MICU2: variants seen among roughly 807,000 people sequenced by gnomAD.
The protein encoded by MICU2 is calcium uptake protein 2, mitochondrial.
A neutral mutation model predicts 60.4 loss-of-function variants in MICU2; 64 were observed. The ratio of observed to expected loss-of-function variants is 1.06; its 90% CI spans 0.87 to 1.31. The LOEUF is 1.31. MICU2 is among the 50% of genes most tolerant of loss of function. The probability of loss-of-function intolerance (pLI) is 0.00; values close to 1 mark genes in which losing one functional copy is unlikely to be tolerated. For synonymous variants in MICU2, 201 were observed against 175.0 expected (o/e 1.15, Z -1.17); for missense variants, 569 against 531.0 (o/e 1.07, Z -0.70).
chr13:21,543,279 G>A (rs1887327011), intron 2 of MICU2, among the ~76,000 whole-genome samples: 1 of 152,096 alleles, frequency 6.6e-6, no homozygotes. Flanking sequence ...AGACAAGGAT[G>A]CTCACCCCTT....
chr13:21,572,925 T>C (rs766446090), intron 1 of MICU2, among the ~76,000 whole-genome samples: 5 of 126,886 alleles, frequency 3.9e-5, no homozygotes, highest in African/African-American at 5.6e-5. Flanking sequence ...ATTTTAGCTG[T>C]TGTTAATGTA....
chr13:21,507,027 T>C (rs1886306824), intron 8 of MICU2, among the ~76,000 whole-genome samples: 1 of 152,254 alleles, frequency 6.6e-6, no homozygotes, highest in Non-Finnish European at 1.5e-5. Flanking sequence ...CTTAGCAAAA[T>C]TTAAGAGATT....
intron 4 of MICU2, among the ~76,000 whole-genome samples, chr13:21,538,508 G>A (rs1887190841): frequency 7.1e-6 from 1 of 140,838 alleles, no homozygotes; most frequent in South Asian, 2.3e-4. Flanking sequence ...ACGCTGCCGG[G>A]AGCTATGACT....
rs1212302977 is a variant in MICU2 at position 21,496,159 on chromosome 13, C to T, written c.935G>A (p.Ser312Asn). ...NVREKLSAGE[S>N]ISLDEFKSFC... is the part of the protein sequence containing the mutation. ...TGACTTGAATTCATCCAAACTAATG[C>T]TCTAATAAAGTAAGAGTTTTTATTA... is the stretch of plus-strand genomic sequence containing the variant. The change falls in exon 10 of 12, where the codon AGC becomes AAC. Residue 312 changes from serine to asparagine, a missense_variant and splice_region_variant. Coordinates refer to ENST00000382374, the MANE Select transcript of MICU2 (RefSeq NM_152726.3). The T allele has an allele frequency of 6.2e-7, 1 of 1,606,810 alleles. No individual in the cohort carries two copies. The highest frequency in any genetic ancestry group is 8.5e-7 in the Non-Finnish European group (1 of 1,175,486).
In MICU2 at chr13:21,602,338, C is replaced by G. The variant is rs1239035381; in HGVS notation, c.210+1601G>C. Among the ~76,000 whole-genome samples, 5 of 151,722 alleles carry G rather than the reference C, an allele frequency of 3.3e-5. No individual in the cohort carries two copies. The East Asian group carries it at 9.8e-4, about 30-fold the overall frequency. The stretch of plus-strand genomic sequence containing the variant: ...GAGATCGAGACCATCCTGGCTAATA[C>G]GGTGAAACCCCGTCTCTACTAAAAA... On this transcript the variant is annotated intron_variant, in intron 1 of 11. Transcript: ENST00000382374.
At position 21,510,104 on chromosome 13, in the gene MICU2, A is replaced by G; in HGVS notation, c.664-3T>C. The G allele has an allele frequency of 2.9e-6, 4 of 1,403,088 alleles. No homozygotes were observed. Among genetic ancestry groups the G allele is most frequent in the Non-Finnish European group, 3.8e-6 (4 of 1,061,392 alleles). 86.9% of individuals were successfully genotyped at this position (1,403,088 alleles called of 1,614,324 possible). A position where few individuals can be genotyped will look rare whatever the true frequency, so the allele number is the denominator to read the frequency against. On this transcript the variant is annotated splice_polypyrimidine_tract_variant and splice_region_variant and intron_variant, in intron 7 of 11. Transcript: ENST00000382374. ...TCAGGTTCTTTCACTATTGCTTCCTATTAAAAAAATCACAATAATTTAAAA... is the reference window on the plus strand; with the variant it reads ...TCAGGTTCTTTCACTATTGCTTCCTGTTAAAAAAATCACAATAATTTAAAA...
At position 21,497,717 on chromosome 13, in the gene MICU2, CAAACA is replaced by C. The variant is rs372715490; in HGVS notation, c.934-1562_934-1558del. On this transcript the variant is annotated intron_variant, in intron 9 of 11. Coordinates refer to ENST00000382374, the MANE Select transcript of MICU2 (RefSeq NM_152726.3). ...AGCAAGACCCTGTCTCAAAAACAAA[CAAACA>C]AAACAAAAGTAAACAAAGTATGAAA... 2.1e-3 allele frequency among the ~76,000 whole-genome samples: 323 copies of C among 152,240 alleles called. 1 individual carries two copies. The highest frequency in any genetic ancestry group is 7.5e-3 in the African/African-American group (312 of 41,538).
intron 4 of MICU2, among the ~76,000 whole-genome samples, chr13:21,531,523 C>G (rs989379299): frequency 6.6e-6 from 1 of 152,130 alleles, no homozygotes; most frequent in East Asian, 1.9e-4. Context: ...TCTTCTAAAG[C>G]AAAGTCACTG....
rs2761924 is a variant in MICU2 at position 21,604,169 on chromosome 13, G to A, written c.-21C>T. 1,532,043 of 1,535,232 alleles carry A rather than the reference G, an allele frequency of 1. 764,456 individuals carry two copies. The highest frequency in any genetic ancestry group is 1 in the South Asian group (83,592 of 83,600). On this transcript the variant is annotated 5_prime_UTR_variant, in exon 1 of 12. Transcript: ENST00000382374. ...GCCATCTTTGCGGAAGCGCAGCTAG[G>A]CGGCGCTTCTCTCCCGGCGCCGCCG...
chr13:21,529,481 C>A (rs1010869265), intron 4 of MICU2, among the ~76,000 whole-genome samples: 12 of 152,128 alleles, frequency 7.9e-5, no homozygotes, highest in African/African-American at 2.9e-4. Context: ...GGAGTCATCT[C>A]ATGAATGCTA....
intron 7 of MICU2, among the ~76,000 whole-genome samples, chr13:21,513,217 T>C (rs1216067220): frequency 2.6e-5 from 4 of 152,168 alleles, no homozygotes; most frequent in Non-Finnish European, 4.4e-5. Flanking sequence ...TACTTTCCAA[T>C]CAATAGGCCT....
intron 4 of MICU2, among the ~76,000 whole-genome samples, chr13:21,526,920 C>T (rs778484629): frequency 3.0e-4 from 46 of 152,248 alleles, no homozygotes; most frequent in Middle Eastern, 3.4e-3. Flanking sequence ...ACCCTAATGA[C>T]TCCCAAGCAA....
At chr13:21,582,895 G>A (rs577799485) in intron 1 of MICU2, 9 of 178,384 alleles carry the variant, frequency 5.0e-5, no homozygotes, top group East Asian at 3.5e-4. Flanking sequence ...CTGTAAGGGC[G>A]CACTCTTCTG....
chr13:21,493,306 T>C lies in MICU2; in HGVS notation c.1248A>G (p.Lys416=). 6.2e-7 allele frequency: 1 copy of C among 1,611,292 alleles called. No homozygotes were observed. Among genetic ancestry groups the C allele is most frequent in the Non-Finnish European group, 8.5e-7 (1 of 1,178,974 alleles). ...CTTCTTTTACTCCTTTAATGCTTTCTTTCTTCACACACTTCCAGTATTCTT... is the reference window on the plus strand; with the variant it reads ...CTTCTTTTACTCCTTTAATGCTTTCCTTCTTCACACACTTCCAGTATTCTT... ...SIQEYWKCVK[K]ESIKGVKEVW... Residue 416 remains lysine (K), a synonymous_variant, in exon 12 of 12, where the codon AAA becomes AAG. Coordinates refer to ENST00000382374, the MANE Select transcript of MICU2 (RefSeq NM_152726.3).
chr13:21,517,860 T>A (rs1333422060), intron 6 of MICU2, among the ~76,000 whole-genome samples: 1 of 151,812 alleles, frequency 6.6e-6, no homozygotes, highest in African/African-American at 2.4e-5. Flanking sequence ...ATCATGGAAG[T>A]GAAAAAACTA....
intron 4 of MICU2, chr13:21,530,806 C>T (rs563369034): frequency 3.4e-5 from 24 of 702,946 alleles, no homozygotes; most frequent in Admixed American, 1.7e-4. Flanking sequence ...AGATGGCGGC[C>T]GAGGCCAGGC....
chr13:21,548,567 C>A (rs1488154425), intron 2 of MICU2, among the ~76,000 whole-genome samples: 1 of 152,142 alleles, frequency 6.6e-6, no homozygotes, highest in Non-Finnish European at 1.5e-5. Context: ...ATGGTAGACA[C>A]TATTATTTTA....
chr13:21,530,323 T>C (rs1180790069), intron 4 of MICU2, among the ~76,000 whole-genome samples: 2 of 152,160 alleles, frequency 1.3e-5, no homozygotes, highest in Non-Finnish European at 2.9e-5. Flanking sequence ...CCTCACCCCT[T>C]CCCCTCTCAT....
chr13:21,523,308 C>T (rs1226247036), intron 4 of MICU2, among the ~76,000 whole-genome samples: 3 of 152,194 alleles, frequency 2.0e-5, no homozygotes, highest in South Asian at 4.1e-4. Flanking sequence ...CTGGAGAACA[C>T]TGACTAATAC....
Sources: gnomAD v4.1 joint callset for allele counts (sites outside exome capture counted in the v4.1 genomes callset) on GRCh38, gnomAD v4.1.1 for gene constraint, MANE v1.5 for transcripts, NCBI Gene and HGNC (gene_info 2026-07-23, HGNC 2026-07-21) for gene names.